CACNA2D4: variants seen among roughly 807,000 people sequenced by gnomAD.
CACNA2D4 encodes the protein voltage-dependent calcium channel subunit alpha-2/delta-4.
A neutral mutation model predicts 163.8 loss-of-function variants in CACNA2D4; 157 were observed. The ratio of observed to expected loss-of-function variants is 0.96; its 90% CI spans 0.84 to 1.09. The LOEUF is 1.09. CACNA2D4 is among the 50% of genes least tolerant of loss of function. The pLI is 0.00. For missense variants in CACNA2D4, 1,410 were observed against 1,479.9 expected, an observed-to-expected ratio of 0.95 and a Z score of 0.78; for synonymous variants, 598 against 586.9, an observed-to-expected ratio of 1.02 and a Z score of -0.27.
chr12:1,826,234 T>C (rs1197590928), intron 26 of CACNA2D4, among the ~76,000 whole-genome samples: 1 of 152,144 alleles, frequency 6.6e-6, no homozygotes, highest in Non-Finnish European at 1.5e-5. Context: ...TGAATTTCCA[T>C]GGTGATGGGC....
chr12:1,907,519 G>C lies in CACNA2D4; in HGVS notation c.702C>G (p.Phe234Leu). The C allele has an allele frequency of 6.2e-7, 1 of 1,613,358 alleles. No individual in the cohort carries two copies. Among genetic ancestry groups the C allele is most frequent in the East Asian group, 2.2e-5 (1 of 44,882 alleles). The change falls in exon 6 of 38, where the codon TTC becomes TTG. Residue 234 changes from phenylalanine (F) to leucine (L), a missense_variant. Physicochemically the swap from Phe to Leu is conservative, Grantham distance 22. Transcript: ENST00000382722. ...TTGGGTCTCTCTGGAAGTTCTCCACGAAGACAGCATTCAAGGCTTCAGACA... is the reference window on the plus strand; with the variant it reads ...TTGGGTCTCTCTGGAAGTTCTCCACCAAGACAGCATTCAAGGCTTCAGACA... The part of the protein sequence containing the change: ...VYMSEALNAV[F>L]VENFQRDPTL...
intron 23 of CACNA2D4, among the ~76,000 whole-genome samples, chr12:1,848,812 T>A (rs951594747): frequency 1.1e-4 from 17 of 151,920 alleles, no homozygotes; most frequent in African/African-American, 4.1e-4. Context: ...CTCACTACGT[T>A]GCCCAGGCTG....
At chr12:1,899,230 A>G (rs1002072773) in intron 6 of CACNA2D4, among the ~76,000 whole-genome samples, 9 of 152,272 alleles carry the variant, frequency 5.9e-5, no homozygotes, top group Non-Finnish European at 1.2e-4. Context: ...CAGGGAGGCT[A>G]AAACTTAAAG....
At position 1,878,194 on chromosome 12, in the gene CACNA2D4, C is replaced by A; in HGVS notation, c.1719+121G>T. On this transcript the variant is annotated intron_variant, in intron 16 of 37. Transcript: ENST00000382722. This position sits in a 1 kb window ranked among gnomAD's most constrained non-coding sequence, Gnocchi z 4.6. ...CATGACTCGAATACATTTTTTTTCTCATATTACCCACTGGGTTCCTAAATG... is the reference window on the plus strand; with the variant it reads ...CATGACTCGAATACATTTTTTTTCTAATATTACCCACTGGGTTCCTAAATG... 2 of 1,094,188 alleles carry A rather than the reference C, an allele frequency of 1.8e-6. No individual in the cohort carries two copies. The highest frequency in any genetic ancestry group is 1.4e-5 in the South Asian group (1 of 72,472). The allele number at this position is 1,094,188 out of a possible 1,614,324, so 67.8% of individuals were successfully genotyped here.
At chr12:1,797,189 T>A (rs1482945832) in intron 35 of CACNA2D4, among the ~76,000 whole-genome samples, 2 of 152,204 alleles carry the variant, frequency 1.3e-5, no homozygotes, top group Non-Finnish European at 2.9e-5. Context: ...ATCCCGGCTG[T>A]CCCGGTCCCC....
At chr12:1,906,633 G>C (rs1195789175) in intron 6 of CACNA2D4, among the ~76,000 whole-genome samples, 2 of 152,196 alleles carry the variant, frequency 1.3e-5, no homozygotes, top group Non-Finnish European at 2.9e-5. Flanking sequence ...GACAAGAGGG[G>C]CACGTGAACT....
chr12:1,824,204 C>G (rs1864224415), intron 26 of CACNA2D4, among the ~76,000 whole-genome samples: 1 of 152,204 alleles, frequency 6.6e-6, no homozygotes, highest in South Asian at 2.1e-4. Flanking sequence ...GCCGTTTGCC[C>G]TGCTGAGAGG....
At chr12:1,800,765 C>G in intron 31 of CACNA2D4, 2 of 593,780 alleles carry the variant, frequency 3.4e-6, no homozygotes, top group Non-Finnish European at 3.0e-6. Context: ...GTGTCAGGGG[C>G]TGAGGCTGGG....
At chr12:1,794,356 T>G (rs1007623062) in intron 37 of CACNA2D4, among the ~76,000 whole-genome samples, 9 of 152,150 alleles carry the variant, frequency 5.9e-5, no homozygotes, top group African/African-American at 2.2e-4. Flanking sequence ...TCAACAAATG[T>G]GAAGGGTTTT....
chr12:1,800,494 C>A (rs552109854), intron 31 of CACNA2D4, 56 bp from the exon 32 acceptor site: 5 of 1,557,228 alleles, frequency 3.2e-6, no homozygotes, highest in South Asian at 1.1e-5. Flanking sequence ...GAGGGTGCCC[C>A]CCCCCCACCA....
rs1867057909 is a variant in CACNA2D4, at chr12:1,918,543, TG to T, written c.-71del. On this transcript the variant is annotated 5_prime_UTR_variant, in exon 1 of 38. Coordinates refer to ENST00000382722, the MANE Select transcript of CACNA2D4 (RefSeq NM_172364.5). ...TTTGTCTTCCGTGCCTTGGCGAGCC[TG>T]GGGTCTCCAGCCTCTCAGTCCTGGG... 3.2e-6 allele frequency: 4 copies of T among 1,242,224 alleles called. No individual in the cohort carries two copies. The highest frequency in any genetic ancestry group is 3.0e-5 in the African/African-American group (2 of 65,824). The allele number at this position is 1,242,224 out of a possible 1,614,324, so 77.0% of individuals were successfully genotyped here. A position where few individuals can be genotyped will look rare whatever the true frequency, so the allele number is the denominator to read the frequency against.
At chr12:1,841,662 C>T (rs1198305910) in intron 25 of CACNA2D4, among the ~76,000 whole-genome samples, 1 of 146,332 alleles carries the variant, frequency 6.8e-6, no homozygotes, top group Admixed American at 6.7e-5. Context: ...GAGAAAGGGG[C>T]AAACAGTTTC....
chr12:1,915,295 C>T (rs538187037), intron 1 of CACNA2D4: 98 of 702,134 alleles, frequency 1.4e-4, no homozygotes, highest in Non-Finnish European at 2.3e-4. Context: ...TGAATGTCCT[C>T]GGCAGGTTCT....
chr12:1,856,243 C>G lies in CACNA2D4; in HGVS notation c.2009-14G>C. ...AGTCATGCAGGCCTGAAACCAGAGT[C>G]CACATTCAGGGTGATGCTCCCTCAC... On this transcript the variant is annotated splice_polypyrimidine_tract_variant and intron_variant, in intron 20 of 37. Coordinates refer to ENST00000382722, the MANE Select transcript of CACNA2D4 (RefSeq NM_172364.5). 1 of 1,613,972 alleles carries G rather than the reference C, an allele frequency of 6.2e-7. No homozygotes were observed. Among genetic ancestry groups the G allele is most frequent in the Non-Finnish European group, 8.5e-7 (1 of 1,179,854 alleles).
rs368713272 is a variant in CACNA2D4 at position 1,810,529 on chromosome 12, C to A, written c.2658+14G>T. ...GGCTCCCTCCTCCACCTTCCTCACACGGGCAGAACTTACACTGTCCTCGCA... is the reference window on the plus strand; with the variant it reads ...GGCTCCCTCCTCCACCTTCCTCACAAGGGCAGAACTTACACTGTCCTCGCA... On this transcript the variant is annotated intron_variant, in intron 28 of 37. Transcript: ENST00000382722. 1.9e-6 allele frequency: 3 copies of A among 1,552,672 alleles called. No individual in the cohort carries two copies. The highest frequency in any genetic ancestry group is 2.7e-5 in the African/African-American group (2 of 73,132).
At chr12:1,801,672 G>GGGAGGGAGAGAGATGGAGCA in intron 29 of CACNA2D4, 28 bp from the exon 30 acceptor site, 2 of 1,503,742 alleles carry the variant, frequency 1.3e-6, no homozygotes, top group East Asian at 2.4e-5. Flanking sequence ...CAGAGAGAGA[G>GGGAGGGAGAGAGATGGAGCA]GGAGGGAGAG....
chr12:1,858,010 C>T (rs1014682579), intron 20 of CACNA2D4, among the ~76,000 whole-genome samples: 8 of 152,184 alleles, frequency 5.3e-5, no homozygotes, highest in African/African-American at 1.9e-4. Flanking sequence ...AGACGAGGAG[C>T]ACCTGAGGCT....
rs368973969 is a variant in CACNA2D4, at chr12:1,810,310, C to G, written c.2689G>C (p.Gly897Arg). The G allele has an allele frequency of 1.2e-6, 2 of 1,613,958 alleles. No individual in the cohort carries two copies. The highest frequency in any genetic ancestry group is 8.5e-7 in the Non-Finnish European group (1 of 1,179,844). ...DLDCFVIDNN[G>R]FILISKRSRE... is the part of the protein sequence containing the mutation. ...GACCTCTTGGAGATCAGAATGAACC[C>G]GTTGTTGTCGATGACGAAGCAGTCC... The change falls in exon 29 of 38, where the codon GGG becomes CGG. Residue 897 changes from glycine to arginine, a missense_variant. By Grantham distance (125) the Gly-to-Arg change is moderately radical. Transcript: ENST00000382722.
intron 35 of CACNA2D4, 46 bp downstream of exon 35, chr12:1,797,372 G>A (rs1185278927): frequency 5.1e-6 from 7 of 1,375,516 alleles, no homozygotes; most frequent in Non-Finnish European, 7.0e-6. Context: ...CTTGCCGAGG[G>A]CGGGAGGAGT....
Sources: gnomAD v4.1 joint callset for allele counts (sites outside exome capture counted in the v4.1 genomes callset) on GRCh38, gnomAD v4.1.1 for gene constraint, Gnocchi (gnomAD v3.1) non-coding constraint, MANE v1.5 for transcripts, NCBI Gene and HGNC (gene_info 2026-07-23, HGNC 2026-07-21) for gene names.